TNR: variants seen among roughly 807,000 people sequenced by gnomAD.
TNR encodes tenascin R.
In TNR, 45 loss-of-function variants were observed where a neutral mutation model predicts 150.4. That is an observed-to-expected ratio of 0.30 (90% CI 0.24 to 0.38). The LOEUF (loss-of-function observed/expected upper bound fraction) is 0.38, where lower values mean the gene tolerates loss of function less well. Ranked by LOEUF, TNR falls within the 10% of genes least tolerant of loss-of-function variation. The pLI is 1.00. For missense variants in TNR, 1,544 were observed against 1,759.1 expected (o/e 0.88, Z 2.19); for synonymous variants, 687 against 678.4 (o/e 1.01, Z -0.20).
At chr1:175,507,523 G>T (rs1262085675) in intron 2 of TNR, among the ~76,000 whole-genome samples, 1 of 151,966 alleles carries the variant, frequency 6.6e-6, no homozygotes, top group Non-Finnish European at 1.5e-5. Context: ...TTGCTTTCTT[G>T]TCTGTCCGCC....
chr1:175,558,215 A>G (rs1037482771), intron 1 of TNR, among the ~76,000 whole-genome samples: 2 of 148,136 alleles, frequency 1.4e-5, no homozygotes, highest in South Asian at 2.2e-4. Context: ...TGGCACATGT[A>G]TACATATGTA....
chr1:175,633,623 G>A (rs1035735055), intron 1 of TNR, among the ~76,000 whole-genome samples: 8 of 152,030 alleles, frequency 5.3e-5, no homozygotes, highest in Admixed American at 3.3e-4. Flanking sequence ...TGATTTAATC[G>A]CAAATGCCAT....
At chr1:175,406,979 T>A (rs1653994258) in intron 2 of TNR, among the ~76,000 whole-genome samples, 1 of 152,212 alleles carries the variant, frequency 6.6e-6, no homozygotes, top group Non-Finnish European at 1.5e-5. Context: ...GGACACTGCT[T>A]CTGCATACTA....
intron 7 of TNR, among the ~76,000 whole-genome samples, chr1:175,387,215 G>A (rs1225496317): frequency 2.0e-5 from 3 of 152,236 alleles, no homozygotes; most frequent in Non-Finnish European, 2.9e-5. Context: ...CAAGTGAGGA[G>A]AATAGGAAAT....
At chr1:175,650,723 C>CTT (rs1558054577) in intron 1 of TNR, among the ~76,000 whole-genome samples, 1 of 121,822 alleles carries the variant, frequency 8.2e-6, no homozygotes, top group African/African-American at 3.3e-5. Context: ...TCCCCCTACC[C>CTT]CTCCCCGCCT....
At chr1:175,331,074 T>TTTCTTTCTTTCCTTCC (rs1557868014) in intron 20 of TNR, among the ~76,000 whole-genome samples, 1 of 101,282 alleles carries the variant, frequency 9.9e-6, no homozygotes, top group African/African-American at 4.3e-5. Flanking sequence ...TCTTTCTTTC[T>TTTCTTTCTTTCCTTCC]TTCCTTCTTT....
At chr1:175,560,081 A>G (rs564440421) in intron 1 of TNR, among the ~76,000 whole-genome samples, 2 of 152,366 alleles carry the variant, frequency 1.3e-5, no homozygotes, top group South Asian at 4.1e-4. Context: ...TTTGTCAGAC[A>G]GTAAACCTTA....
intron 1 of TNR, among the ~76,000 whole-genome samples, chr1:175,611,007 C>T (rs2101855038): frequency 6.6e-6 from 1 of 152,336 alleles, no homozygotes; most frequent in East Asian, 1.9e-4. Flanking sequence ...GAAATCTAAC[C>T]TGTCCGGATG....
chr1:175,537,092 C>T (rs1660321210), intron 1 of TNR, among the ~76,000 whole-genome samples: 1 of 152,192 alleles, frequency 6.6e-6, no homozygotes, highest in African/African-American at 2.4e-5. Context: ...TACCAGGAGG[C>T]TTTGGTGCAC....
At chr1:175,651,081 T>TA (rs1395674476) in intron 1 of TNR, among the ~76,000 whole-genome samples, 4 of 5,494 alleles carry the variant, frequency 7.3e-4, no homozygotes, top group East Asian at 4.5e-3. Context: ...ATCTCATTAC[T>TA]CCCCCCCACC....
chr1:175,426,870 A>G (rs189397287), intron 2 of TNR, among the ~76,000 whole-genome samples: 90 of 63,382 alleles, frequency 1.4e-3, no homozygotes, highest in African/African-American at 4.8e-3. Flanking sequence ...TATAAAATAT[A>G]TTATATATAT....
intron 2 of TNR, among the ~76,000 whole-genome samples, chr1:175,507,004 G>C (rs908003549): frequency 6.6e-6 from 1 of 152,142 alleles, no homozygotes; most frequent in Non-Finnish European, 1.5e-5. Flanking sequence ...GGGAGTGTGC[G>C]GGCCACAGGG....
In TNR at chr1:175,614,233, T is replaced by C. The variant is rs115386928; in HGVS notation, c.-164-85864A>G. On this transcript the variant is annotated intron_variant, in intron 1 of 22. Coordinates refer to ENST00000367674, the MANE Select transcript of TNR (RefSeq NM_003285.3). ...AATATGGTAGGAAGAGAGAGAGAGG[T>C]GTGGGGAAAAGATTATGATACCTAT... is the stretch of plus-strand genomic sequence containing the variant. Among the ~76,000 whole-genome samples the C allele has an allele frequency of 7.6e-3, 1,152 of 152,120 alleles. 10 individuals are homozygous for C. The highest frequency in any genetic ancestry group is 0.026 in the African/African-American group (1,058 of 41,474).
chr1:175,522,559 A>AAAAT (rs962686722), intron 2 of TNR, among the ~76,000 whole-genome samples: 1 of 150,604 alleles, frequency 6.6e-6, no homozygotes, highest in African/African-American at 2.5e-5. Flanking sequence ...ATGGAAATAA[A>AAAAT]AAATAAAAAA....
chr1:175,471,016 G>A (rs1339801450), intron 2 of TNR, among the ~76,000 whole-genome samples: 3 of 152,222 alleles, frequency 2.0e-5, no homozygotes, highest in Non-Finnish European at 4.4e-5. Context: ...TTTCTGCAGG[G>A]CGGAATGAAG....
intron 1 of TNR, among the ~76,000 whole-genome samples, chr1:175,659,063 G>T (rs1665282037): frequency 6.6e-6 from 1 of 152,212 alleles, no homozygotes; most frequent in Admixed American, 6.5e-5. Flanking sequence ...ACTCGCCCCT[G>T]ACTCTACTTC....
chr1:175,666,232 G>A (rs955624752), intron 1 of TNR, among the ~76,000 whole-genome samples: 1 of 152,176 alleles, frequency 6.6e-6, no homozygotes, highest in African/African-American at 2.4e-5. Flanking sequence ...ATTCTTGTCT[G>A]CAGTGTCCTT....
At chr1:175,684,434 A>T (rs562745654) in intron 1 of TNR, among the ~76,000 whole-genome samples, 110 of 152,330 alleles carry the variant, frequency 7.2e-4, no homozygotes, top group African/African-American at 2.5e-3. Context: ...AAGGGCATCA[A>T]TTAGGACTAT....
chr1:175,549,723 GAT>G (rs1660860718), intron 1 of TNR, among the ~76,000 whole-genome samples: 1 of 152,158 alleles, frequency 6.6e-6, no homozygotes. Flanking sequence ...CCATAGCAAG[GAT>G]CTGAGATTCA....
Sources: gnomAD v4.1 joint callset for allele counts (sites outside exome capture counted in the v4.1 genomes callset) on GRCh38, gnomAD v4.1.1 for gene constraint, MANE v1.5 for transcripts, NCBI Gene and HGNC (gene_info 2026-07-23, HGNC 2026-07-21) for gene names.